The following DCAF5 variants were observed in gnomAD, a reference collection of about 807,000 sequenced individuals.
The protein encoded by DCAF5 is DDB1 and CUL4 associated factor 5, also known as DDB1- and CUL4-associated factor 5.
DCAF5 carries 9 observed loss-of-function variants against 80.7 expected under a neutral mutation model. That is an observed-to-expected ratio of 0.11 (90% CI 0.07 to 0.19). The LOEUF is 0.19. Among genes scored for constraint, DCAF5 ranks in the 10% least tolerant of loss-of-function variants. The pLI is 1.00. For synonymous variants in DCAF5, 433 were observed against 461.9 expected (o/e 0.94, Z 0.80); for missense variants, 842 against 1,205.7 (o/e 0.70, Z 4.47).
chr14:69,075,245 G>T, intron 7 of DCAF5, 100 bp downstream of exon 7: 2 of 798,968 alleles, frequency 2.5e-6, no homozygotes, highest in East Asian at 2.8e-5. Flanking sequence ...TGTTAGAAAT[G>T]TTGTCCTCTA....
At chr14:69,104,963 C>T (rs758332271) in intron 5 of DCAF5, among the ~76,000 whole-genome samples, 1 of 151,676 alleles carries the variant, frequency 6.6e-6, no homozygotes, top group Non-Finnish European at 1.5e-5. Context: ...TTCACAAAAA[C>T]CATTGTAACA....
chr14:69,062,483 G>A lies in DCAF5; in HGVS notation c.975C>T (p.Ala325=). ...ATCGATGCCCTTTCAGCACCATGAA[G>A]GCTCCGTTGACCACCCTACCAATGC... ...AGGIGRVVNG[A]FMVLKGHRSI... is the part of the protein sequence containing the mutation. Residue 325 remains alanine, a synonymous_variant, in exon 8 of 9, where the codon GCC becomes GCT. Transcript: ENST00000341516. 1 of 1,613,326 alleles carries A rather than the reference G, an allele frequency of 6.2e-7. No homozygotes were observed. Among genetic ancestry groups the A allele is most frequent in the African/African-American group, 1.3e-5 (1 of 75,012 alleles).
intron 1 of DCAF5, among the ~76,000 whole-genome samples, chr14:69,136,007 A>G (rs533528358): frequency 1.3e-5 from 2 of 152,290 alleles, no homozygotes; most frequent in East Asian, 3.9e-4. Context: ...CATTGCAACT[A>G]ATCTTTAAGA....
chr14:69,138,552 G>A (rs1228613077), intron 1 of DCAF5, among the ~76,000 whole-genome samples: 2 of 152,172 alleles, frequency 1.3e-5, no homozygotes, highest in African/African-American at 4.8e-5. Context: ...CACTTTACTT[G>A]AGCAAGTCCT....
At chr14:69,113,401 A>G (rs2140046336) in intron 5 of DCAF5, among the ~76,000 whole-genome samples, 1 of 152,290 alleles carries the variant, frequency 6.6e-6, no homozygotes, top group African/African-American at 2.4e-5. Flanking sequence ...AAGGGTCTCT[A>G]TGAGAACTTG....
chr14:69,071,682 A>C (rs1029999011), intron 7 of DCAF5, among the ~76,000 whole-genome samples: 1 of 152,180 alleles, frequency 6.6e-6, no homozygotes, highest in African/African-American at 2.4e-5. Context: ...TGATTATTTA[A>C]GTCAAAAAGA....
At chr14:69,073,259 A>G (rs1256930173) in intron 7 of DCAF5, among the ~76,000 whole-genome samples, 1 of 152,160 alleles carries the variant, frequency 6.6e-6, no homozygotes, top group Non-Finnish European at 1.5e-5. Flanking sequence ...CTTCCTTATA[A>G]GAAGGGGAAG....
intron 6 of DCAF5, chr14:69,083,925 T>A (rs906593531): frequency 1.0e-5 from 8 of 779,916 alleles, no homozygotes; most frequent in Non-Finnish European, 1.9e-5. Context: ...TTGCTTCTTA[T>A]GTAATCTTGT....
At chr14:69,151,261 C>A (rs1054670403) in intron 1 of DCAF5, among the ~76,000 whole-genome samples, 1 of 152,090 alleles carries the variant, frequency 6.6e-6, no homozygotes, top group Non-Finnish European at 1.5e-5. Flanking sequence ...AAAGAGAAAA[C>A]GATCTGGGGT....
chr14:69,143,484 G>A (rs80255237), intron 1 of DCAF5, among the ~76,000 whole-genome samples: 4,936 of 148,446 alleles, frequency 0.033, 156 homozygotes, highest in Admixed American at 0.095. Context: ...CCTGGCACAT[G>A]AAATGCCCCC....
At position 69,054,323 on chromosome 14, in the gene DCAF5, C is replaced by A; in HGVS notation, c.2363G>T (p.Arg788Leu). The A allele has an allele frequency of 6.2e-7, 1 of 1,614,186 alleles. No homozygotes were observed. Among genetic ancestry groups the A allele is most frequent in the South Asian group, 1.1e-5 (1 of 91,086 alleles). The change falls in exon 9 of 9, where the codon CGG (arginine) becomes CTG (leucine). Residue 788 changes from arginine (R) to leucine (L), a missense_variant. Around this residue, in one of 5 missense-constraint regions of DCAF5, gnomAD observed 607 missense variants for 656.6 expected, o/e 0.92. Coordinates refer to ENST00000341516, the MANE Select transcript of DCAF5 (RefSeq NM_003861.3). ...KKLNGKALSS[R>L]AEEPPSPPVP... ...AGGAGGAGAAGGCGGCTCCTCAGCC[C>A]GACTGCTCAGGGCCTTTCCATTGAG...
chr14:69,086,025 C>T (rs1018112205), intron 6 of DCAF5, among the ~76,000 whole-genome samples: 7 of 152,262 alleles, frequency 4.6e-5, no homozygotes, highest in African/African-American at 1.7e-4. Context: ...GAGGATAAAA[C>T]CTGTCCAATT....
At chr14:69,138,112 T>G (rs549174862) in intron 1 of DCAF5, among the ~76,000 whole-genome samples, 1 of 151,410 alleles carries the variant, frequency 6.6e-6, no homozygotes, top group Non-Finnish European at 1.5e-5. Context: ...GCCATCAACA[T>G]AGTCAAGACA....
intron 6 of DCAF5, chr14:69,090,677 C>T (rs1179526917): frequency 1.9e-5 from 3 of 155,942 alleles, no homozygotes; most frequent in Non-Finnish European, 2.8e-5. Context: ...CGAGGTCTTG[C>T]CAGTTTCTCA....
chr14:69,143,941 A>G (rs889789127), intron 1 of DCAF5: 1 of 152,252 alleles, frequency 6.6e-6, no homozygotes, highest in African/African-American at 2.4e-5. Context: ...GCACCACTGC[A>G]TTCAGACCCG....
chr14:69,144,371 G>A (rs1336932834), intron 1 of DCAF5, among the ~76,000 whole-genome samples: 1 of 152,100 alleles, frequency 6.6e-6, no homozygotes, highest in Non-Finnish European at 1.5e-5. Flanking sequence ...GGGACATCGA[G>A]ACCATCCTGG....
chr14:69,069,378 G>A (rs2038594804), intron 7 of DCAF5, among the ~76,000 whole-genome samples: 1 of 152,186 alleles, frequency 6.6e-6, no homozygotes, highest in South Asian at 2.1e-4. Flanking sequence ...AACTCAATCA[G>A]CCATTCCAGG....
rs952186304 is a variant in DCAF5, at chr14:69,118,359, T to C, written c.396-81A>G. Reference sequence around the variant, plus strand: ...AGTCCCAGCACTTTGGTACCGAGGGTGCCATCTTTTCCATTTCTAGAAGAA... The same window carrying C: ...AGTCCCAGCACTTTGGTACCGAGGGCGCCATCTTTTCCATTTCTAGAAGAA... On this transcript the variant is annotated intron_variant, in intron 3 of 8. Coordinates refer to ENST00000341516, the MANE Select transcript of DCAF5 (RefSeq NM_003861.3). The surrounding 1 kb of genome is among the most constrained non-coding windows in gnomAD (Gnocchi z 4.0). The C allele has an allele frequency of 2.9e-6, 4 of 1,402,740 alleles. No individual in the cohort carries two copies. In the Admixed American group the frequency reaches 8.9e-5, roughly 31 times the overall value. 86.9% of individuals were successfully genotyped at this position (1,402,740 alleles called of 1,614,324 possible).
rs1345941062 is a variant in DCAF5, at chr14:69,062,588, C to T, written c.947-77G>A. ...ATAGGTTCCAGTAATGGCAGATAAA[C>T]AGCTCTGAATGGGAGCAAAGATTTT... is the stretch of plus-strand genomic sequence containing the variant. On this transcript the variant is annotated intron_variant, in intron 7 of 8. Transcript: ENST00000341516. 8 of 1,555,060 alleles carry T rather than the reference C, an allele frequency of 5.1e-6. No homozygotes were observed. The South Asian group carries it at 8.1e-5, about 16-fold the overall frequency.
Sources: allele counts gnomAD v4.1 joint callset (sites outside exome capture counted in the v4.1 genomes callset), GRCh38; gene constraint gnomAD v4.1.1; regional missense constraint gnomAD v4.1.1; non-coding constraint Gnocchi (gnomAD v3.1); transcripts MANE v1.5; gene names NCBI Gene and HGNC (gene_info 2026-07-23, HGNC 2026-07-21).